SLC39A11: variants seen among roughly 807,000 people sequenced by gnomAD.
The protein encoded by SLC39A11 is zinc transporter ZIP11.
In SLC39A11, 33 loss-of-function variants were observed where a neutral mutation model predicts 36.1. The observed-to-expected ratio is 0.91, with a 90% CI of 0.69 to 1.22. The LOEUF (loss-of-function observed/expected upper bound fraction) is 1.22. Among genes scored for constraint, SLC39A11 ranks in the 50% most tolerant of loss-of-function variants. SLC39A11 has a pLI of 0.00. For missense variants in SLC39A11, 432 were observed against 430.3 expected (o/e 1.00, Z -0.03); for synonymous variants, 166 against 170.3 (o/e 0.97, Z 0.20).
Position 72,748,343 on chromosome 17 carries a change from A to G in SLC39A11, c.602-11624T>C, listed in dbSNP as rs1381294503. ...TCTCAAAAAAAAAAAATTCTTATCA[A>G]TAAAGTCACATCCTATTGTTTATTA... On this transcript the variant is annotated intron_variant, in intron 6 of 9. Transcript: ENST00000255559. Among the ~76,000 whole-genome samples, 3 of 151,928 alleles carry G rather than the reference A, an allele frequency of 2.0e-5. 1 individual carries two copies. Among genetic ancestry groups the G allele is most frequent in the Non-Finnish European group, 4.4e-5 (3 of 67,974 alleles).
At chr17:72,894,669 CAAA>C (rs10657098) in intron 5 of SLC39A11, among the ~76,000 whole-genome samples, 3 of 121,330 alleles carry the variant, frequency 2.5e-5, no homozygotes, top group Non-Finnish European at 1.7e-5. Flanking sequence ...GACCCTGTCT[CAAA>C]AAAAAAAAAA....
At chr17:72,717,538 C>T (rs1164507477) in intron 7 of SLC39A11, among the ~76,000 whole-genome samples, 3 of 152,170 alleles carry the variant, frequency 2.0e-5, no homozygotes, top group East Asian at 1.9e-4. Context: ...ACCACAAGGC[C>T]GTCTTCCCTC....
intron 4 of SLC39A11, among the ~76,000 whole-genome samples, chr17:73,024,864 A>ATT (rs1163840820): frequency 0.13 from 13,117 of 97,970 alleles, 1,307 homozygotes; most frequent in East Asian, 0.52. Context: ...TGCCCAGCTA[A>ATT]TTTTTTTTTT....
chr17:73,029,552 G>A (rs1302307592), intron 4 of SLC39A11, among the ~76,000 whole-genome samples: 3 of 152,036 alleles, frequency 2.0e-5, no homozygotes, highest in Admixed American at 1.3e-4. Context: ...GAAGCCACAT[G>A]TCCAGGGGAC....
At chr17:72,887,919 C>A (rs2081517246) in intron 5 of SLC39A11, among the ~76,000 whole-genome samples, 1 of 152,212 alleles carries the variant, frequency 6.6e-6, no homozygotes, top group African/African-American at 2.4e-5. Context: ...AAGTACTCTT[C>A]CCCACTTCTC....
chr17:72,885,478 C>T lies in SLC39A11; in HGVS notation c.431-35674G>A, dbSNP rs536063278. ...AGATTCCAGCAGCATTATTCAGGTG[C>T]CACTATTCATGTAGATAAGCCATCT... On this transcript the variant is annotated intron_variant, in intron 5 of 9. Coordinates refer to ENST00000255559, the MANE Select transcript of SLC39A11 (RefSeq NM_139177.4). Among the ~76,000 whole-genome samples the T allele has an allele frequency of 5.6e-4, 85 of 152,236 alleles. 1 individual carries two copies. The highest frequency in any genetic ancestry group is 1.1e-3 in the Non-Finnish European group (78 of 68,014).
At chr17:73,031,888 C>A (rs570977804) in intron 3 of SLC39A11, among the ~76,000 whole-genome samples, 174 bp from the exon 4 acceptor site, 1 of 152,114 alleles carries the variant, frequency 6.6e-6, no homozygotes, top group East Asian at 1.9e-4. Context: ...CCAGAATTCC[C>A]GGAGCTTACT....
chr17:72,686,161 T>C (rs2071739729), intron 7 of SLC39A11, among the ~76,000 whole-genome samples: 1 of 152,214 alleles, frequency 6.6e-6, no homozygotes, highest in Non-Finnish European at 1.5e-5. Flanking sequence ...CAACCCATAA[T>C]GTGACACTCA....
chr17:72,919,621 G>A (rs1271617091), intron 5 of SLC39A11, among the ~76,000 whole-genome samples: 2 of 146,436 alleles, frequency 1.4e-5, no homozygotes, highest in South Asian at 2.1e-4. Flanking sequence ...GCAGTGAGCC[G>A]AGATCGTGCC....
intron 5 of SLC39A11, among the ~76,000 whole-genome samples, chr17:72,900,992 A>AC (rs1474065304): frequency 2.9e-5 from 2 of 70,110 alleles, no homozygotes; most frequent in African/African-American, 1.1e-4. Context: ...AAAAAAAAAC[A>AC]CGAAAAAAAA....
At chr17:72,738,526 C>T (rs1004744982) in intron 6 of SLC39A11, among the ~76,000 whole-genome samples, 1 of 152,092 alleles carries the variant, frequency 6.6e-6, no homozygotes, top group Non-Finnish European at 1.5e-5. Context: ...GAGGATGATG[C>T]TGGTCTGCGT....
intron 4 of SLC39A11, among the ~76,000 whole-genome samples, chr17:73,007,446 G>C (rs1482787828): frequency 6.6e-6 from 1 of 152,180 alleles, no homozygotes; most frequent in African/African-American, 2.4e-5. Context: ...AGACACAGCA[G>C]ACACAGCCTC....
intron 4 of SLC39A11, among the ~76,000 whole-genome samples, chr17:72,994,836 C>T (rs1410107424): frequency 6.6e-6 from 1 of 152,162 alleles, no homozygotes; most frequent in Non-Finnish European, 1.5e-5. Context: ...ATGCTTTTAG[C>T]TTCTCCATGC....
chr17:72,912,608 G>T (rs1168512564), intron 5 of SLC39A11, among the ~76,000 whole-genome samples: 2 of 151,774 alleles, frequency 1.3e-5, no homozygotes, highest in Non-Finnish European at 2.9e-5. Flanking sequence ...CATTAAAGGT[G>T]CAAGACAGGA....
chr17:72,962,979 C>CAAGG (rs1407615464), intron 4 of SLC39A11, among the ~76,000 whole-genome samples: 1 of 152,074 alleles, frequency 6.6e-6, no homozygotes, highest in Non-Finnish European at 1.5e-5. Flanking sequence ...TCTCTGACCT[C>CAAGG]AAGGAAGGCC....
At chr17:72,852,133 A>T (rs1194116258) in intron 5 of SLC39A11, among the ~76,000 whole-genome samples, 1 of 134,910 alleles carries the variant, frequency 7.4e-6, no homozygotes, top group South Asian at 2.6e-4. Context: ...TGAACCCAGG[A>T]GGCGGAGCTT....
At chr17:72,690,425 G>C (rs941698688) in intron 7 of SLC39A11, among the ~76,000 whole-genome samples, 1 of 152,152 alleles carries the variant, frequency 6.6e-6, no homozygotes, top group Admixed American at 6.5e-5. Flanking sequence ...ACTCACACGG[G>C]GTTTGGAGGA....
chr17:73,020,136 G>A (rs901768950), intron 4 of SLC39A11, among the ~76,000 whole-genome samples: 12 of 152,178 alleles, frequency 7.9e-5, no homozygotes, highest in Non-Finnish European at 1.5e-4. Context: ...TGAAGATGAC[G>A]GGACAGAATG....
intron 5 of SLC39A11, among the ~76,000 whole-genome samples, chr17:72,920,457 C>T (rs2083592297): frequency 6.6e-6 from 1 of 151,688 alleles, no homozygotes; most frequent in African/African-American, 2.4e-5. Flanking sequence ...ACCTGGAATG[C>T]TCTTCTCCCC....
Sources: allele counts gnomAD v4.1 joint callset (sites outside exome capture counted in the v4.1 genomes callset), GRCh38; gene constraint gnomAD v4.1.1; transcripts MANE v1.5; gene names NCBI Gene and HGNC (gene_info 2026-07-23, HGNC 2026-07-21).